Variants in PLXNA4 observed in about 807,000 individuals in gnomAD.
PLXNA4 encodes the protein plexin-A4.
In PLXNA4, 44 loss-of-function variants were observed where a neutral mutation model predicts 191.8. That is an observed-to-expected ratio of 0.23 (90% CI 0.18 to 0.29). The LOEUF (loss-of-function observed/expected upper bound fraction) is 0.29. Ranked by LOEUF, PLXNA4 falls within the 10% of genes least tolerant of loss-of-function variation. The probability of loss-of-function intolerance (pLI) is 1.00; values close to 1 mark genes in which losing one functional copy is unlikely to be tolerated. For synonymous variants in PLXNA4, 1,082 were observed against 1,009.5 expected, an observed-to-expected ratio of 1.07 and a Z score of -1.36; for missense variants, 1,800 against 2,488.8, an observed-to-expected ratio of 0.72 and a Z score of 5.89.
chr7:132,410,244 T>C (rs923767151), intron 3 of PLXNA4, among the ~76,000 whole-genome samples: 1 of 151,926 alleles, frequency 6.6e-6, no homozygotes, highest in Non-Finnish European at 1.5e-5. Flanking sequence ...AGTTCCTCTT[T>C]ACAGACAGGA....
chr7:132,520,426 G>A (rs2081570), intron 1 of PLXNA4, among the ~76,000 whole-genome samples: 53,939 of 152,016 alleles, frequency 0.35, 9,757 homozygotes, highest in Middle Eastern at 0.39. Context: ...ACCTGGGTCC[G>A]CAGCAGGAGG....
intron 3 of PLXNA4, among the ~76,000 whole-genome samples, chr7:132,329,857 T>C (rs732490): frequency 0.52 from 78,628 of 151,966 alleles, 22,586 homozygotes; most frequent in African/African-American, 0.78. Context: ...TCATTCTGAG[T>C]CCCATGATGA....
intron 2 of PLXNA4, among the ~76,000 whole-genome samples, chr7:132,625,375 A>G (rs1803350627): frequency 6.6e-6 from 1 of 152,048 alleles, no homozygotes; most frequent in African/African-American, 2.4e-5. Context: ...CTACCTCCCT[A>G]CCCTGCTAAT....
intron 2 of PLXNA4, among the ~76,000 whole-genome samples, chr7:132,506,718 C>T (rs528310890): frequency 6.6e-6 from 1 of 152,280 alleles, no homozygotes; most frequent in South Asian, 2.1e-4. Flanking sequence ...CCCAGCAAGG[C>T]CATACCCACC....
chr7:132,186,540 C>G (rs1399857893), intron 15 of PLXNA4, among the ~76,000 whole-genome samples: 1 of 152,166 alleles, frequency 6.6e-6, no homozygotes, highest in East Asian at 1.9e-4. Context: ...CAAATCCTCT[C>G]CCAAAGAGCA....
intron 1 of PLXNA4, among the ~76,000 whole-genome samples, chr7:132,546,376 CTGT>C (rs933833447): frequency 6.6e-6 from 1 of 152,162 alleles, no homozygotes; most frequent in African/African-American, 2.4e-5. Context: ...ATATGCTACC[CTGT>C]TGGGAGGTAG....
At chr7:132,202,098 G>C (rs1188117110) in intron 12 of PLXNA4, among the ~76,000 whole-genome samples, 2 of 152,134 alleles carry the variant, frequency 1.3e-5, no homozygotes, top group Non-Finnish European at 2.9e-5. Context: ...TGCGTGTTTG[G>C]CTCTTCACCG....
intron 3 of PLXNA4, among the ~76,000 whole-genome samples, chr7:132,335,533 A>G (rs1802783165): frequency 6.6e-6 from 1 of 152,226 alleles, no homozygotes; most frequent in Non-Finnish European, 1.5e-5. Flanking sequence ...GGGCCAAAAT[A>G]GAACACCCCC....
chr7:132,285,261 T>C (rs1584945156), intron 4 of PLXNA4, among the ~76,000 whole-genome samples: 1 of 152,242 alleles, frequency 6.6e-6, no homozygotes. Flanking sequence ...CAAAGTCAAG[T>C]GGCAGAGCCA....
chr7:132,353,310 A>T (rs913354673), intron 3 of PLXNA4, among the ~76,000 whole-genome samples: 3 of 152,180 alleles, frequency 2.0e-5, no homozygotes, highest in African/African-American at 7.2e-5. Flanking sequence ...TCCATTCTTA[A>T]ATATGTGCTT....
upstream of PLXNA4, among the ~76,000 whole-genome samples, chr7:132,580,915 A>G (rs1447552903): frequency 6.6e-6 from 1 of 152,304 alleles, no homozygotes; most frequent in Admixed American, 6.5e-5. Context: ...GCAGGACAGC[A>G]GGAATATCAT....
intron 9 of PLXNA4, among the ~76,000 whole-genome samples, chr7:132,216,511 TGTCCAGTTGA>T (rs1289791474): frequency 2.0e-5 from 3 of 152,228 alleles, no homozygotes; most frequent in African/African-American, 4.8e-5. Flanking sequence ...CTGGTATGGT[TGTCCAGTTGA>T]GCAACTGGCT....
chr7:132,528,930 C>T (rs1304268981), intron 1 of PLXNA4, among the ~76,000 whole-genome samples: 1 of 152,226 alleles, frequency 6.6e-6, no homozygotes, highest in Non-Finnish European at 1.5e-5. Context: ...ATCCCTCAGG[C>T]TACAGCTGTG....
intron 26 of PLXNA4, 98 bp downstream of exon 26, chr7:132,148,445 G>A (rs976851874): frequency 3.9e-6 from 6 of 1,524,046 alleles, no homozygotes; most frequent in Middle Eastern, 1.7e-4. Flanking sequence ...GAGTGCTGGT[G>A]AGGGGCTTGG....
chr7:132,365,331 G>GTT (rs1563058787), intron 3 of PLXNA4, among the ~76,000 whole-genome samples: 6 of 106,740 alleles, frequency 5.6e-5, no homozygotes, highest in African/African-American at 3.0e-4. Flanking sequence ...CGGCCCGCGT[G>GTT]TGTGTGTGTG....
At chr7:132,186,421 AG>A (rs1469448747) in intron 15 of PLXNA4, among the ~76,000 whole-genome samples, 1 of 152,114 alleles carries the variant, frequency 6.6e-6, no homozygotes, top group Non-Finnish European at 1.5e-5. Flanking sequence ...GGGGTAACCT[AG>A]GGTTCTGCAG....
At chr7:132,384,051 T>G (rs1805010956) in intron 3 of PLXNA4, 2 of 985,384 alleles carry the variant, frequency 2.0e-6, no homozygotes, top group Non-Finnish European at 1.2e-6. Flanking sequence ...CACAGAGGGG[T>G]TGCCTGCTCT....
intron 3 of PLXNA4, among the ~76,000 whole-genome samples, chr7:132,436,869 C>A (rs28546805): frequency 0.03 from 4,601 of 152,268 alleles, 216 homozygotes; most frequent in African/African-American, 0.1. Context: ...AGCTGCTATA[C>A]CCCACTCAAT....
chr7:132,528,584 A>G lies in PLXNA4; in HGVS notation c.-86-19805T>C, dbSNP rs1799502818. On this transcript the variant is annotated intron_variant, in intron 1 of 31. Coordinates refer to ENST00000321063, the MANE Select transcript of PLXNA4 (RefSeq NM_020911.2). ...AGCCTGATGAATGGGACTGAATGAG[A>G]AGCCTGCCAGGGGCTTCAGGAATAT... Among the ~76,000 whole-genome samples, 6 of 152,312 alleles carry G rather than the reference A, an allele frequency of 3.9e-5. No homozygotes were observed. In the South Asian group the frequency reaches 1.0e-3, roughly 26 times the overall value.
Sources: allele counts gnomAD v4.1 joint callset (sites outside exome capture counted in the v4.1 genomes callset), GRCh38; gene constraint gnomAD v4.1.1; transcripts MANE v1.5; gene names NCBI Gene and HGNC (gene_info 2026-07-23, HGNC 2026-07-21).